Variants in ATPAF1 observed in about 807,000 individuals in gnomAD.
ATPAF1 encodes ATP synthase mitochondrial F1 complex assembly factor 1, also known as homolog of yeast ATP11.
In ATPAF1, 26 loss-of-function variants were observed where a neutral mutation model predicts 43.9. The observed-to-expected ratio is 0.59, with a 90% CI of 0.43 to 0.82. ATPAF1 has a LOEUF of 0.82. Ranked by LOEUF, ATPAF1 falls within the 40% of genes least tolerant of loss-of-function variation. The pLI, the probability that ATPAF1 is intolerant of heterozygous loss-of-function variation, is 0.00. For missense variants in ATPAF1, 366 were observed against 435.0 expected, an observed-to-expected ratio of 0.84 and a Z score of 1.41; for synonymous variants, 157 against 168.0, an observed-to-expected ratio of 0.93 and a Z score of 0.50.
At chr1:46,668,487 G>C (rs1022573942), upstream of ATPAF1, 92 of 899,754 alleles carry the variant, frequency 1.0e-4, no homozygotes, top group African/African-American at 8.3e-4. This position sits in a 1 kb window ranked among gnomAD's most constrained non-coding sequence, Gnocchi z 4.4. Flanking sequence ...GCGGGGAGGA[G>C]GGGGCGCGCC....
In ATPAF1 at chr1:46,643,081, G is replaced by C. The variant is rs1675977979; in HGVS notation, c.792+113C>G. 6 of 814,662 alleles carry C rather than the reference G, an allele frequency of 7.4e-6. No homozygotes were observed. In the South Asian group the frequency reaches 9.7e-5, roughly 13 times the overall value. The allele number at this position is 814,662 out of a possible 1,614,324, so 50.5% of individuals were successfully genotyped here. A position where few individuals can be genotyped will look rare whatever the true frequency, so the allele number is the denominator to read the frequency against. The stretch of plus-strand genomic sequence containing the variant: ...TCACTGTCAACTTTAAAATAAGTAA[G>C]AAACAAGGTATATGTAGCTCTTTGA... On this transcript the variant is annotated intron_variant, in intron 8 of 8. Coordinates refer to ENST00000574428, the Ensembl canonical transcript of ATPAF1.
intron 7 of ATPAF1, 34 bp from the exon 8 acceptor site, chr1:46,643,335 G>C (rs371773861): frequency 1.6e-5 from 24 of 1,521,052 alleles, no homozygotes; most frequent in Non-Finnish European, 2.1e-5. Context: ...GGCTCAATAA[G>C]GTACCATCAC....
At chr1:46,665,516 T>C in intron 1 of ATPAF1, 152 bp from the exon 2 acceptor site, 1 of 1,192,204 alleles carries the variant, frequency 8.4e-7, no homozygotes, top group Non-Finnish European at 1.2e-6. Context: ...GGCACAGGCC[T>C]AGAAATAAAG....
chr1:46,665,097 G>C (rs1412576166), intron 2 of ATPAF1, 159 bp downstream of exon 2: 2 of 674,304 alleles, frequency 3.0e-6, no homozygotes, highest in Non-Finnish European at 5.1e-6. Context: ...TGCCTAGAAA[G>C]AGCAGGATAA....
chr1:46,658,764 T>A, intron 2 of ATPAF1, 27 bp from the exon 3 acceptor site: 1 of 1,526,578 alleles, frequency 6.6e-7, no homozygotes, highest in Non-Finnish European at 8.9e-7. Context: ...AAGATATTAA[T>A]CTACACTTTA....
Position 46,668,209 on chromosome 1 carries a change from G to A in ATPAF1, c.114C>T (p.Leu38=), listed in dbSNP as rs540341925. 5.1e-6 allele frequency: 7 copies of A among 1,384,352 alleles called. No individual in the cohort carries two copies. The highest frequency in any genetic ancestry group is 3.1e-5 in the East Asian group (1 of 31,790). 85.8% of individuals were successfully genotyped at this position (1,384,352 alleles called of 1,614,324 possible). The stretch of plus-strand genomic sequence containing the variant: ...AGACGCGCAGCTGCGCGGGTGACAC[G>A]AGCCCCAGGCCCAGGGCGCGGCTGC... Residue 38 remains leucine (L), a synonymous_variant, in exon 1 of 9, where the codon CTC becomes CTT. Coordinates refer to ENST00000574428, the Ensembl canonical transcript of ATPAF1. This position sits in a 1 kb window ranked among gnomAD's most constrained non-coding sequence, Gnocchi z 4.4.
At chr1:46,643,854 T>G (rs569549587) in intron 7 of ATPAF1, among the ~76,000 whole-genome samples, 3 of 152,244 alleles carry the variant, frequency 2.0e-5, no homozygotes, top group African/African-American at 7.2e-5. Context: ...TGAAGAATGA[T>G]CAGGGCAGTG....
intron 2 of ATPAF1, chr1:46,664,888 C>A: frequency 4.8e-6 from 1 of 208,516 alleles, no homozygotes; most frequent in Non-Finnish European, 9.7e-6. Flanking sequence ...ACATCAAAGT[C>A]CCATTCCTTC....
At chr1:46,658,029 C>T in intron 4 of ATPAF1, 98 bp downstream of exon 4, 1 of 1,178,454 alleles carries the variant, frequency 8.5e-7, no homozygotes, top group South Asian at 1.3e-5. Flanking sequence ...TATTACCTTT[C>T]ATTGTGGCTA....
intron 3 of ATPAF1, 72 bp downstream of exon 3, chr1:46,658,615 A>C: frequency 1.6e-6 from 2 of 1,221,074 alleles, no homozygotes; most frequent in Non-Finnish European, 2.3e-6. Context: ...TTATGTTCAA[A>C]TTTGCAGCCT....
downstream of ATPAF1, chr1:46,633,822 G>A (rs1431837041): frequency 2.2e-6 from 1 of 455,902 alleles, no homozygotes; most frequent in Non-Finnish European, 4.4e-6. Context: ...CTAATAACTG[G>A]GCCCATCTGG....
In ATPAF1 at chr1:46,661,076, GT is replaced by G. The variant is rs750804116; in HGVS notation, c.376-2340del. On this transcript the variant is annotated intron_variant, in intron 2 of 8. Coordinates refer to ENST00000574428, the Ensembl canonical transcript of ATPAF1. ...AACAACACTGCTCATGGTTTTGGAG[GT>G]TTTTTTTTTTTTGGAGACAGAGTCT... Among the ~76,000 whole-genome samples, 333 of 142,760 alleles carry G rather than the reference GT, an allele frequency of 2.3e-3. 1 individual carries two copies. The highest frequency in any genetic ancestry group is 4.8e-3 in the African/African-American group (190 of 39,312). The allele number at this position is 142,760 out of a possible 152,430, so 93.7% of individuals were successfully genotyped here.
chr1:46,664,834 T>G (rs547207022), intron 2 of ATPAF1: 1 of 168,538 alleles, frequency 5.9e-6, no homozygotes, highest in South Asian at 1.6e-4. Flanking sequence ...CTAAAATATT[T>G]AACATCTAGT....
downstream of ATPAF1, chr1:46,634,210 A>G: frequency 4.3e-6 from 1 of 235,276 alleles, no homozygotes; most frequent in Non-Finnish European, 8.3e-6. Flanking sequence ...GAAGGAAGAA[A>G]ACACACACAC....
downstream of ATPAF1, chr1:46,634,892 T>C (rs1287525444): frequency 6.6e-6 from 1 of 152,630 alleles, no homozygotes; most frequent in African/African-American, 2.4e-5. Flanking sequence ...TCAGATTTCA[T>C]TATTTTGTAT....
At chr1:46,644,142 G>A (rs1454653435) in intron 7 of ATPAF1, among the ~76,000 whole-genome samples, 2 of 152,014 alleles carry the variant, frequency 1.3e-5, no homozygotes, top group African/African-American at 4.8e-5. Flanking sequence ...TTATGTTTCT[G>A]GATCTTTCTC....
chr1:46,635,540 A>C (rs780223299), exon 9 of ATPAF1: 36 of 508,702 alleles, frequency 7.1e-5, no homozygotes, highest in Non-Finnish European at 1.2e-4. Flanking sequence ...ATAACCTCGA[A>C]CACTTAAAAA....
In ATPAF1 at chr1:46,640,627, C is replaced by CT. The variant is rs576567081; in HGVS notation, c.792+2566dup. Among the ~76,000 whole-genome samples the CT allele has an allele frequency of 1.8e-3, 258 of 140,880 alleles. 1 individual carries two copies. The highest frequency in any genetic ancestry group is 6.1e-3 in the African/African-American group (240 of 39,600). The allele number at this position is 140,880 out of a possible 152,430, so 92.4% of individuals were successfully genotyped here. On this transcript the variant is annotated intron_variant, in intron 8 of 8. Coordinates refer to ENST00000574428, the Ensembl canonical transcript of ATPAF1. Reference sequence around the variant, plus strand: ...CCAGCCTGGCCAACACAGCGAGACTCTGTCTCAAAAACAAACAAACAAACA... The same window carrying CT: ...CCAGCCTGGCCAACACAGCGAGACTCTTGTCTCAAAAACAAACAAACAAACA...
chr1:46,643,180 A>T lies in ATPAF1; in HGVS notation c.792+14T>A. 1.3e-6 allele frequency: 2 copies of T among 1,599,288 alleles called. No homozygotes were observed. Among genetic ancestry groups the T allele is most frequent in the Non-Finnish European group, 1.7e-6 (2 of 1,167,284 alleles). On this transcript the variant is annotated intron_variant, in intron 8 of 8. Transcript: ENST00000574428. ...ATGAGGTAAATCCAAAGAGTTTTGC[A>T]AGTTAATTCTTACCAGAAATGTGGA... is the stretch of plus-strand genomic sequence containing the variant.
Sources: gnomAD v4.1 joint callset for allele counts (sites outside exome capture counted in the v4.1 genomes callset) on GRCh38, gnomAD v4.1.1 for gene constraint, Gnocchi (gnomAD v3.1) non-coding constraint, MANE v1.5 for transcripts, NCBI Gene and HGNC (gene_info 2026-07-23, HGNC 2026-07-21) for gene names.